The following SHROOM3 variants were observed in gnomAD, a reference collection of about 807,000 sequenced individuals.
SHROOM3 encodes the protein protein Shroom3.
In SHROOM3, 47 loss-of-function variants were observed where a neutral mutation model predicts 138.6. The ratio of observed to expected loss-of-function variants is 0.34; its 90% CI spans 0.27 to 0.43. The LOEUF (loss-of-function observed/expected upper bound fraction) is 0.43. Ranked by LOEUF, SHROOM3 falls within the 20% of genes least tolerant of loss-of-function variation. The probability of loss-of-function intolerance (pLI) is 1.00; values close to 1 mark genes in which losing one functional copy is unlikely to be tolerated. For missense variants in SHROOM3, 2,491 were observed against 2,596.5 expected (o/e 0.96, Z 0.88); for synonymous variants, 1,062 against 1,063.3 (o/e 1.00, Z 0.02).
intron 2 of SHROOM3, among the ~76,000 whole-genome samples, chr4:76,634,591 G>C (rs1331729824): frequency 4.6e-5 from 7 of 152,166 alleles, no homozygotes. Context: ...AGCTAGAGGA[G>C]TTAGAAGCCT....
chr4:76,754,546 G>T lies in SHROOM3; in HGVS notation c.4063G>T (p.Gly1355Cys). The T allele has an allele frequency of 6.2e-7, 1 of 1,613,624 alleles. No individual in the cohort carries two copies. The highest frequency in any genetic ancestry group is 8.5e-7 in the Non-Finnish European group (1 of 1,179,632). The part of the protein sequence containing the change: ...DTRAAPLTPI[G>C]TPLPSAIPSG... ...CAGGGCTGCACCCCTGACCCCAATT[G>T]GCACCCCTCTGCCTTCAGCCATTCC... Residue 1355 changes from glycine to cysteine, a missense_variant, in exon 7 of 11, where the codon GGC becomes TGC. Gly to Cys is a radical substitution (Grantham distance 159). This residue lies in a region of SHROOM3 where 1,733 missense variants were observed against 1,661.6 expected (regional missense o/e 1.04). Transcript: ENST00000296043.
At chr4:76,697,390 A>G (rs922507238) in intron 2 of SHROOM3, among the ~76,000 whole-genome samples, 1 of 152,176 alleles carries the variant, frequency 6.6e-6, no homozygotes, top group Non-Finnish European at 1.5e-5. Flanking sequence ...AGTTTCTAGT[A>G]GAAAGCACCA....
At chr4:76,444,493 T>C (rs1406262119) in intron 1 of SHROOM3, among the ~76,000 whole-genome samples, 7 of 125,488 alleles carry the variant, frequency 5.6e-5, no homozygotes, top group African/African-American at 1.6e-4. Flanking sequence ...TCTTTTTTTT[T>C]TTTTTTTTTT....
Position 76,741,165 on chromosome 4 carries a change from C to T in SHROOM3, c.2992C>T (p.Pro998Ser). 10 of 1,580,742 alleles carry T rather than the reference C, an allele frequency of 6.3e-6. No homozygotes were observed. The highest frequency in any genetic ancestry group is 8.6e-6 in the Non-Finnish European group (10 of 1,164,568). Residue 998 changes from proline to serine, a missense_variant, in exon 5 of 11, where the codon CCC (proline) becomes TCC (serine). Around this residue, in one of 4 missense-constraint regions of SHROOM3, gnomAD observed 1,733 missense variants for 1,661.6 expected, o/e 1.04. Coordinates refer to ENST00000296043, the MANE Select transcript of SHROOM3 (RefSeq NM_020859.4). This position sits in a 1 kb window ranked among gnomAD's most constrained non-coding sequence, Gnocchi z 6.2. ...VTPAEGDLARPVPPAARRGAR... is the reference protein window; with the variant it reads ...VTPAEGDLARSVPPAARRGAR... ...CCCTGCTGAGGGCGACCTGGCCAGG[C>T]CCGTGCCCCCTGCCGCCCGGAGAGG...
intron 1 of SHROOM3, among the ~76,000 whole-genome samples, chr4:76,551,334 T>C (rs889360963): frequency 6.6e-6 from 1 of 152,196 alleles, no homozygotes; most frequent in African/African-American, 2.4e-5. Flanking sequence ...GGACATGATA[T>C]AAACTATACA....
chr4:76,720,650 T>C (rs1041630492), intron 3 of SHROOM3, among the ~76,000 whole-genome samples: 2 of 151,098 alleles, frequency 1.3e-5, no homozygotes, highest in African/African-American at 4.9e-5. Context: ...TCTCGTTCTG[T>C]TGCCCAGGCT....
chr4:76,505,463 C>A (rs373552921), intron 1 of SHROOM3, among the ~76,000 whole-genome samples: 29 of 152,202 alleles, frequency 1.9e-4, no homozygotes, highest in Non-Finnish European at 3.5e-4. Flanking sequence ...TGGCTGTACC[C>A]TTACTTTATA....
intron 2 of SHROOM3, among the ~76,000 whole-genome samples, chr4:76,670,387 G>A (rs1406606240): frequency 6.6e-6 from 1 of 152,140 alleles, no homozygotes; most frequent in Non-Finnish European, 1.5e-5. Flanking sequence ...TCTAGAAAAG[G>A]AAAATCTATA....
Position 76,472,715 on chromosome 4 carries a change from A to G in SHROOM3, c.168+36495A>G, listed in dbSNP as rs1238800829. On this transcript the variant is annotated intron_variant, in intron 1 of 10. Transcript: ENST00000296043. ...TCTTTCTTTCTTTTTTTTTTTTGTG[A>G]TAAGAGTCTCCCTCTGTCGCCCACG... Among the ~76,000 whole-genome samples the G allele has an allele frequency of 2.0e-5, 3 of 147,980 alleles. 1 individual carries two copies. The highest frequency in any genetic ancestry group is 7.5e-5 in the African/African-American group (3 of 40,002).
chr4:76,577,968 GT>G (rs958494881), intron 2 of SHROOM3, among the ~76,000 whole-genome samples: 6 of 150,972 alleles, frequency 4.0e-5, no homozygotes, highest in African/African-American at 7.3e-5. Flanking sequence ...TGTGTTCATT[GT>G]TTTTTTTTAA....
Position 76,739,870 on chromosome 4 carries a change from A to G in SHROOM3, c.1697A>G (p.Glu566Gly). Residue 566 changes from glutamate (E) to glycine (G), a missense_variant, in exon 5 of 11, where the codon GAG (glutamate) becomes GGG (glycine). Transcript: ENST00000296043. ...CATTTCTGTTCAGTGCCTGAAAATG[A>G]GGAGGATGCCTCCCTGAAGAGACAT... is the stretch of plus-strand genomic sequence containing the variant. ...KVHFCSVPENEEDASLKRHLT... is the reference protein window; with the variant it reads ...KVHFCSVPENGEDASLKRHLT... The G allele has an allele frequency of 6.2e-7, 1 of 1,614,234 alleles. No individual in the cohort carries two copies. The highest frequency in any genetic ancestry group is 1.1e-5 in the South Asian group (1 of 91,086).
At chr4:76,555,243 T>G (rs1733459745) in intron 1 of SHROOM3, among the ~76,000 whole-genome samples, 1 of 152,196 alleles carries the variant, frequency 6.6e-6, no homozygotes. Context: ...GTTTGGGGAC[T>G]GCTCTTCTAA....
At chr4:76,578,795 T>G (rs1321256202) in intron 2 of SHROOM3, among the ~76,000 whole-genome samples, 3 of 152,220 alleles carry the variant, frequency 2.0e-5, no homozygotes, top group Non-Finnish European at 4.4e-5. Flanking sequence ...TTTTAAATGA[T>G]TTGATAAGGA....
chr4:76,586,234 C>A, intron 2 of SHROOM3: 9 of 985,218 alleles, frequency 9.1e-6, no homozygotes, highest in Non-Finnish European at 1.1e-5. Flanking sequence ...CTAATCAGGG[C>A]AGCCCAGGTT....
Position 76,739,881 on chromosome 4 carries a change from TC to T in SHROOM3, c.1711del (p.Leu571Ter). The T allele has an allele frequency of 6.2e-7, 1 of 1,614,094 alleles. No individual in the cohort carries two copies. Among genetic ancestry groups the T allele is most frequent in the Non-Finnish European group, 8.5e-7 (1 of 1,180,026 alleles). On this transcript the variant is annotated frameshift_variant, in exon 5 of 11. Transcript: ENST00000296043. LOFTEE classifies it high-confidence loss of function. ...AGTGCCTGAAAATGAGGAGGATGCC[TC>T]CCTGAAGAGACATCTCACACCTCCC... ...CSVPENEEDASLKRHLTPPQG... is the reference protein window; with the variant it reads ...CSVPENEEDAXLKRHLTPPQG...
rs1734691678 is a variant in SHROOM3 at position 76,608,668 on chromosome 4, C to CATAGCATAGCATAGCAT, written c.323+52906_323+52907insTAGCATAGCATAGCATA. On this transcript the variant is annotated intron_variant, in intron 2 of 10. Transcript: ENST00000296043. The stretch of plus-strand genomic sequence containing the variant: ...TAGCATAGCATAGCATAGCATAGCA[C>CATAGCATAGCATAGCAT]AGCATAGCACAGCACAGCACAGCAC... Among the ~76,000 whole-genome samples the CATAGCATAGCATAGCAT allele has an allele frequency of 2.0e-3, 189 of 94,358 alleles. 18 individuals carry two copies. Among genetic ancestry groups the CATAGCATAGCATAGCAT allele is most frequent in the African/African-American group, 5.9e-3 (169 of 28,500 alleles). The allele number at this position is 94,358 out of a possible 152,430, so 61.9% of individuals were successfully genotyped here.
At chr4:76,671,720 G>A (rs1718890695) in intron 2 of SHROOM3, among the ~76,000 whole-genome samples, 2 of 152,200 alleles carry the variant, frequency 1.3e-5, no homozygotes, top group South Asian at 4.1e-4. Flanking sequence ...AAACACGTTA[G>A]GTGAATGAAC....
At chr4:76,718,603 G>A (rs1720449490) in intron 3 of SHROOM3, among the ~76,000 whole-genome samples, 1 of 151,934 alleles carries the variant, frequency 6.6e-6, no homozygotes, top group South Asian at 2.1e-4. Flanking sequence ...CTTACTTATG[G>A]CCTTTTCCTT....
intron 1 of SHROOM3, among the ~76,000 whole-genome samples, chr4:76,461,248 T>C (rs1731137111): frequency 6.6e-6 from 1 of 152,176 alleles, no homozygotes; most frequent in Admixed American, 6.6e-5. Flanking sequence ...GGATTGACTC[T>C]AGTATCATAC....
Sources: gnomAD v4.1 joint callset for allele counts (sites outside exome capture counted in the v4.1 genomes callset) on GRCh38, gnomAD v4.1.1 for gene constraint, gnomAD v4.1.1 regional missense constraint, Gnocchi (gnomAD v3.1) non-coding constraint, MANE v1.5 for transcripts, NCBI Gene and HGNC (gene_info 2026-07-23, HGNC 2026-07-21) for gene names.